Variants in MUC13 observed in about 807,000 individuals in gnomAD.
The protein encoded by MUC13 is mucin-13.
A neutral mutation model predicts 48.3 loss-of-function variants in MUC13; 32 were observed. The observed-to-expected ratio is 0.66, with a 90% confidence interval of 0.50 to 0.89. The LOEUF (loss-of-function observed/expected upper bound fraction) is 0.89. Ranked by LOEUF, MUC13 falls within the 40% of genes least tolerant of loss-of-function variation. The probability of loss-of-function intolerance (pLI) is 0.00; values close to 1 mark genes in which losing one functional copy is unlikely to be tolerated. For synonymous variants in MUC13, 199 were observed against 224.9 expected (o/e 0.88, Z 1.03); for missense variants, 571 against 622.8 (o/e 0.92, Z 0.88).
At position 124,927,786 on chromosome 3, in the gene MUC13, G is replaced by A. The variant is rs1053278605; in HGVS notation, c.260C>T (p.Pro87Leu). ...HSSSTIPTPAPPIISTHSSST... is the reference protein window; with the variant it reads ...HSSSTIPTPALPIISTHSSST... ...GGAACTATGTGTACTAATTATGGGG[G>A]GAGCAGGTGTAGGAATTGTGGAGGA... The change falls in exon 2 of 12, where the codon CCC becomes CTC. Residue 87 changes from proline (P) to leucine (L), a missense_variant. Transcript: ENST00000616727. The A allele has an allele frequency of 1.2e-6, 2 of 1,613,130 alleles. No homozygotes were observed. Among genetic ancestry groups the A allele is most frequent in the Admixed American group, 1.7e-5 (1 of 59,966 alleles).
Position 124,934,714 on chromosome 3 carries a change from T to G in MUC13, c.-2A>C, listed in dbSNP as rs1935853293. On this transcript the variant is annotated 5_prime_UTR_variant, in exon 1 of 12. Transcript: ENST00000616727. ...AGTAAGATGAATGATGGCTTTCATT[T>G]TAGCTGTTCTTGCTTGGTAATCTGA... The G allele has an allele frequency of 6.2e-7, 1 of 1,609,250 alleles. No individual in the cohort carries two copies. The highest frequency in any genetic ancestry group is 8.5e-7 in the Non-Finnish European group (1 of 1,175,816).
chr3:124,921,862 C>G (rs1300739079), intron 4 of MUC13, among the ~76,000 whole-genome samples: 5 of 152,184 alleles, frequency 3.3e-5, no homozygotes, highest in African/African-American at 9.7e-5. Flanking sequence ...CCATTTAAAA[C>G]TGTGTTAATA....
chr3:124,913,754 C>T, intron 6 of MUC13, 73 bp from the exon 7 acceptor site: 1 of 1,558,218 alleles, frequency 6.4e-7, no homozygotes, highest in Non-Finnish European at 8.8e-7. Flanking sequence ...AAAATTACCC[C>T]ACCCCATTGC....
At position 124,923,508 on chromosome 3, in the gene MUC13, C is replaced by T. The variant is rs756764286; in HGVS notation, c.637+19G>A. The stretch of plus-strand genomic sequence containing the variant: ...TGTGAGATACAGAGCTCAGCCATGG[C>T]TCATCCCTTGTAACTCACCTTTCTT... On this transcript the variant is annotated intron_variant, in intron 3 of 11. Coordinates refer to ENST00000616727, the MANE Select transcript of MUC13 (RefSeq NM_033049.4). The T allele has an allele frequency of 1.9e-6, 3 of 1,611,196 alleles. No homozygotes were observed. In the South Asian group the frequency reaches 3.3e-5, roughly 18 times the overall value.
At chr3:124,932,149 G>A (rs1935810113) in intron 1 of MUC13, among the ~76,000 whole-genome samples, 1 of 152,214 alleles carries the variant, frequency 6.6e-6, no homozygotes, top group African/African-American at 2.4e-5. Context: ...TGGGTGGGAA[G>A]TCAGATTGGA....
At chr3:124,909,445 C>T (rs1236923559) in intron 10 of MUC13, among the ~76,000 whole-genome samples, 3 of 151,600 alleles carry the variant, frequency 2.0e-5, no homozygotes, top group Non-Finnish European at 4.4e-5. Context: ...CCTTAAGGCA[C>T]CAAGCTAATA....
At chr3:124,932,363 TGAGACC>T (rs1192844080) in intron 1 of MUC13, among the ~76,000 whole-genome samples, 3 of 152,048 alleles carry the variant, frequency 2.0e-5, no homozygotes, top group Non-Finnish European at 4.4e-5. Context: ...GTCAAGAGTC[TGAGACC>T]AGCCTAGCCA....
At chr3:124,929,652 C>T (rs1003197939) in intron 1 of MUC13, among the ~76,000 whole-genome samples, 1 of 152,160 alleles carries the variant, frequency 6.6e-6, no homozygotes, top group African/African-American at 2.4e-5. Context: ...TCTTCCTATT[C>T]CTGCCACTCA....
At chr3:124,916,558 A>C in intron 5 of MUC13, 78 bp from the exon 6 acceptor site, 1 of 1,444,170 alleles carries the variant, frequency 6.9e-7, no homozygotes, top group African/African-American at 1.4e-5. Flanking sequence ...CAGACTCCCG[A>C]ATCTCCCGGC....
intron 1 of MUC13, among the ~76,000 whole-genome samples, chr3:124,932,865 T>G (rs913851391): frequency 6.6e-6 from 1 of 152,006 alleles, no homozygotes; most frequent in Non-Finnish European, 1.5e-5. Flanking sequence ...ACATCTCCAT[T>G]CCCCTAAGGT....
At chr3:124,915,268 C>A (rs1012721478) in intron 6 of MUC13, among the ~76,000 whole-genome samples, 1 of 152,210 alleles carries the variant, frequency 6.6e-6, no homozygotes, top group Non-Finnish European at 1.5e-5. Context: ...TTTACTCACA[C>A]CTTTCTGTAC....
At chr3:124,913,368 A>G in intron 7 of MUC13, 128 bp from the exon 8 acceptor site, 1 of 1,453,158 alleles carries the variant, frequency 6.9e-7, no homozygotes, top group South Asian at 1.3e-5. Flanking sequence ...TATTGACTCC[A>G]CACATGATGT....
chr3:124,927,080 C>T (rs1403878626), intron 2 of MUC13, among the ~76,000 whole-genome samples: 4 of 152,154 alleles, frequency 2.6e-5, no homozygotes, highest in Non-Finnish European at 5.9e-5. Flanking sequence ...GGCTCAAGTT[C>T]CACATTGTGA....
Position 124,931,386 on chromosome 3 carries a change from G to A in MUC13, c.52+3275C>T, listed in dbSNP as rs777087822. ...GCAGAGGTTGCAGCGAGCCAAGATC[G>A]TGACAACTGCACTCCAGCCTGGCAA... On this transcript the variant is annotated intron_variant, in intron 1 of 11. Transcript: ENST00000616727. 8.0e-4 allele frequency among the ~76,000 whole-genome samples: 117 copies of A among 146,628 alleles called. 1 individual carries two copies. The highest frequency in any genetic ancestry group is 4.8e-4 in the Non-Finnish European group (32 of 67,108).
Position 124,927,961 on chromosome 3 carries a change from T to G in MUC13, c.85A>C (p.Thr29Pro), listed in dbSNP as rs866411695. The change falls in exon 2 of 12, where the codon ACA becomes CCA. Residue 29 changes from threonine (T) to proline (P), a missense_variant. By Grantham distance (38) the Thr-to-Pro change is conservative (BLOSUM62 -1). Coordinates refer to ENST00000616727, the MANE Select transcript of MUC13 (RefSeq NM_033049.4). ...TNQGNSADAV[T>P]TTETATSGPT... The stretch of plus-strand genomic sequence containing the variant: ...CCACTAGTCGCAGTTTCTGTGGTTG[T>G]TACAGCATCAGCTGAGTTGCCTTGG... The G allele has an allele frequency of 2.5e-6, 4 of 1,572,240 alleles. No individual in the cohort carries two copies. Among genetic ancestry groups the G allele is most frequent in the Non-Finnish European group, 3.5e-6 (4 of 1,159,398 alleles).
At chr3:124,918,642 G>A (rs532543124) in intron 5 of MUC13, among the ~76,000 whole-genome samples, 1 of 152,352 alleles carries the variant, frequency 6.6e-6, no homozygotes, top group South Asian at 2.1e-4. Context: ...GGTTCCGAGA[G>A]GTTAGAACAC....
At chr3:124,922,077 C>G in intron 4 of MUC13, 120 bp downstream of exon 4, 1 of 1,203,774 alleles carries the variant, frequency 8.3e-7, no homozygotes, top group South Asian at 1.6e-5. Context: ...GTACATTTCA[C>G]TGTTTGAACA....
intron 1 of MUC13, among the ~76,000 whole-genome samples, chr3:124,932,424 G>A (rs1935813711): frequency 6.6e-6 from 1 of 152,082 alleles, no homozygotes; most frequent in African/African-American, 2.4e-5. Context: ...AAATTAGCCA[G>A]GTGTGGTGGC....
chr3:124,914,838 A>C (rs1160215233), intron 6 of MUC13, among the ~76,000 whole-genome samples: 1 of 152,204 alleles, frequency 6.6e-6, no homozygotes, highest in Non-Finnish European at 1.5e-5. Context: ...AGGCAGGAGA[A>C]TCGCTTGAAC....
Sources: gnomAD v4.1 joint callset for allele counts (sites outside exome capture counted in the v4.1 genomes callset) on GRCh38, gnomAD v4.1.1 for gene constraint, MANE v1.5 for transcripts, NCBI Gene and HGNC (gene_info 2026-07-23, HGNC 2026-07-21) for gene names.